CEP104: variants seen among roughly 807,000 people sequenced by gnomAD.
CEP104 encodes the protein centrosomal protein 104.
In CEP104, 84 loss-of-function variants were observed where a neutral mutation model predicts 113.3. That is an observed-to-expected ratio of 0.74 (90% CI 0.62 to 0.89). CEP104 has a LOEUF of 0.89. Ranked by LOEUF, CEP104 falls within the 40% of genes least tolerant of loss-of-function variation. The pLI is 0.00. For synonymous variants in CEP104, 378 were observed against 421.7 expected (o/e 0.90, Z 1.27); for missense variants, 1,053 against 1,156.6 (o/e 0.91, Z 1.30).
intron 21 of CEP104, 126 bp from the exon 22 acceptor site, chr1:3,815,643 A>T: frequency 1.6e-6 from 1 of 641,662 alleles, no homozygotes; most frequent in Non-Finnish European, 2.6e-6. Context: ...TCACCCGACT[A>T]CAGGAGCCAG....
At position 3,831,198 on chromosome 1, in the gene CEP104, T is replaced by C; in HGVS notation, c.1684A>G (p.Lys562Glu). ...TAGGATGGAATAATTTGGAGAGACT[T>C]AACTTCTTTAAACAAGGCCATTTCC... Reference protein sequence around the residue: ...IQEMALFKEVKSLQIIPSYLV... With the variant: ...IQEMALFKEVESLQIIPSYLV... Residue 562 changes from lysine to glutamate, a missense_variant, in exon 13 of 22, where the codon AAG becomes GAG. Transcript: ENST00000378230. 1.2e-6 allele frequency: 2 copies of C among 1,613,896 alleles called. No homozygotes were observed. The highest frequency in any genetic ancestry group is 1.7e-6 in the Non-Finnish European group (2 of 1,179,792).
In CEP104 at chr1:3,840,810, G is replaced by C. The variant is rs1644398445; in HGVS notation, c.567-1034C>G. On this transcript the variant is annotated intron_variant, in intron 6 of 21. Transcript: ENST00000378230. Reference sequence around the variant, plus strand: ...CCATCTCGGACTCCCAAAGTGCTGAGATTACAGGTGTGAGCCACTGCACCC... The same window carrying C: ...CCATCTCGGACTCCCAAAGTGCTGACATTACAGGTGTGAGCCACTGCACCC... 3.3e-5 allele frequency among the ~76,000 whole-genome samples: 5 copies of C among 152,174 alleles called. No individual in the cohort carries two copies. In the South Asian group the frequency reaches 1.0e-3, roughly 31 times the overall value.
rs766555687 is a variant in CEP104, at chr1:3,836,480, T to TG, written c.1317+14_1317+15insC. The stretch of plus-strand genomic sequence containing the variant: ...CCTCTGCCACCCCGTTTTTTTTTTT[T>TG]TTTTTTTTTTTTACCAAGGTTTCTC... On this transcript the variant is annotated intron_variant, in intron 10 of 21. Coordinates refer to ENST00000378230, the MANE Select transcript of CEP104 (RefSeq NM_014704.4). The TG allele has an allele frequency of 6.1e-6, 9 of 1,473,296 alleles. No homozygotes were observed. Among genetic ancestry groups the TG allele is most frequent in the South Asian group, 5.7e-5 (4 of 70,678 alleles). The allele number at this position is 1,473,296 out of a possible 1,614,324, so 91.3% of individuals were successfully genotyped here. A position where few individuals can be genotyped will look rare whatever the true frequency, so the allele number is the denominator to read the frequency against.
intron 8 of CEP104, 119 bp downstream of exon 8, chr1:3,838,845 G>T: frequency 9.3e-7 from 1 of 1,078,136 alleles, no homozygotes; most frequent in Non-Finnish European, 1.4e-6. Flanking sequence ...ACTGTCCCCT[G>T]AGCACTGCAG....
intron 1 of CEP104, chr1:3,855,732 T>C (rs1644710057): frequency 4.9e-6 from 1 of 205,812 alleles, no homozygotes; most frequent in African/African-American, 2.4e-5. Context: ...GGGTCCCCTC[T>C]GTGTAAACCT....
At chr1:3,846,113 A>C (rs1644502418) in intron 4 of CEP104, among the ~76,000 whole-genome samples, 1 of 150,128 alleles carries the variant, frequency 6.7e-6, no homozygotes, top group South Asian at 2.1e-4. Flanking sequence ...AAAAAAGTTC[A>C]AATCATAATA....
chr1:3,847,504 G>A lies in CEP104; in HGVS notation c.397C>T (p.His133Tyr), dbSNP rs756354242. ...QFLKLIFHQN[H>Y]VNKYNIYNQV... is the part of the protein sequence containing the mutation. Reference sequence around the variant, plus strand: ...TTATATATGTTGTATTTGTTGACATGGTTTTGGTGAAAAATCAGTTTAAGA... The same window carrying A: ...TTATATATGTTGTATTTGTTGACATAGTTTTGGTGAAAAATCAGTTTAAGA... The change falls in exon 4 of 22, where the codon CAT becomes TAT. Residue 133 changes from histidine to tyrosine, a missense_variant. Physicochemically the swap from His to Tyr is moderately conservative, Grantham distance 83 (BLOSUM62 2). Coordinates refer to ENST00000378230, the MANE Select transcript of CEP104 (RefSeq NM_014704.4). 8 of 1,609,134 alleles carry A rather than the reference G, an allele frequency of 5.0e-6. No individual in the cohort carries two copies. Among genetic ancestry groups the A allele is most frequent in the Middle Eastern group, 3.3e-4 (2 of 6,048 alleles).
rs2124655131 is a variant in CEP104 at position 3,829,350 on chromosome 1, T to G, written c.2067A>C (p.Glu689Asp). 6.2e-7 allele frequency: 1 copy of G among 1,610,350 alleles called. No individual in the cohort carries two copies. The highest frequency in any genetic ancestry group is 2.2e-5 in the East Asian group (1 of 44,732). ...CTTCTTTCTTTTGTTTTTCTGCTTC[T>G]TCTGTAGCCGCTTTTCTCCGTGCCT... ...EMRARRKAAT[E>D]EAEKQKKEEI... Residue 689 changes from glutamate (E) to aspartate (D), a missense_variant, in exon 15 of 22, where the codon GAA becomes GAC. Physicochemically the swap from Glu to Asp is conservative, Grantham distance 45. Transcript: ENST00000378230.
intron 1 of CEP104, among the ~76,000 whole-genome samples, chr1:3,854,363 C>T (rs1405810474): frequency 6.6e-6 from 1 of 152,166 alleles, no homozygotes; most frequent in Admixed American, 6.6e-5. Context: ...AATGCGCCAA[C>T]TCTCCCCTGA....
At chr1:3,815,653 G>A in intron 21 of CEP104, 136 bp from the exon 22 acceptor site, 1 of 613,478 alleles carries the variant, frequency 1.6e-6, no homozygotes, top group Admixed American at 3.1e-5. Flanking sequence ...ACAGGAGCCA[G>A]GGCTGAGCCT....
intron 20 of CEP104, among the ~76,000 whole-genome samples, chr1:3,821,360 A>G (rs1331302238): frequency 6.6e-6 from 1 of 152,272 alleles, no homozygotes; most frequent in Non-Finnish European, 1.5e-5. Flanking sequence ...GACACTACAG[A>G]CAAAACAAAA....
Position 3,831,175 on chromosome 1 carries a change from G to C in CEP104, c.1707C>G (p.Ser569=), listed in dbSNP as rs1164188369. 1 of 1,614,214 alleles carries C rather than the reference G, an allele frequency of 6.2e-7. No individual in the cohort carries two copies. The highest frequency in any genetic ancestry group is 8.5e-7 in the Non-Finnish European group (1 of 1,180,014). The change falls in exon 13 of 22, where the codon TCC becomes TCG. Residue 569 remains serine (S), a synonymous_variant. Transcript: ENST00000378230. ...TTGCTTTCAATGGCTGCACCAGGTA[G>C]GATGGAATAATTTGGAGAGACTTAA... is the stretch of plus-strand genomic sequence containing the variant. The part of the protein sequence containing the change: ...KEVKSLQIIP[S]YLVQPLKANS...
chr1:3,836,477 T>TTG lies in CEP104; in HGVS notation c.1317+17_1317+18insCA. On this transcript the variant is annotated intron_variant, in intron 10 of 21. Coordinates refer to ENST00000378230, the MANE Select transcript of CEP104 (RefSeq NM_014704.4). ...TCCCCTCTGCCACCCCGTTTTTTTT[T>TTG]TTTTTTTTTTTTTTTACCAAGGTTT... is the stretch of plus-strand genomic sequence containing the variant. 2.1e-6 allele frequency: 3 copies of TTG among 1,451,480 alleles called. No homozygotes were observed. Among genetic ancestry groups the TTG allele is most frequent in the Non-Finnish European group, 2.7e-6 (3 of 1,105,410 alleles). The allele number at this position is 1,451,480 out of a possible 1,614,324, so 89.9% of individuals were successfully genotyped here. A position where few individuals can be genotyped will look rare whatever the true frequency, so the allele number is the denominator to read the frequency against.
Position 3,839,607 on chromosome 1 carries a change from C to T in CEP104, c.735+1G>A, listed in dbSNP as rs1172803527. 1 of 1,611,488 alleles carries T rather than the reference C, an allele frequency of 6.2e-7. No homozygotes were observed. The highest frequency in any genetic ancestry group is 8.5e-7 in the Non-Finnish European group (1 of 1,179,102). On this transcript the variant is annotated splice_donor_variant, in intron 7 of 21. Transcript: ENST00000378230. LOFTEE classifies it high-confidence loss of function. Reference sequence around the variant, plus strand: ...GGAACTGTTTTCTCCAAAGGCAATACCTTTTGCAAATCAGCAATGGCTTGT... The same window carrying T: ...GGAACTGTTTTCTCCAAAGGCAATATCTTTTGCAAATCAGCAATGGCTTGT...
At chr1:3,844,597 C>T (rs1439810379) in intron 6 of CEP104, among the ~76,000 whole-genome samples, 1 of 150,204 alleles carries the variant, frequency 6.7e-6, no homozygotes, top group Non-Finnish European at 1.5e-5. Context: ...ACTCAGGAGA[C>T]TGAGGCAGGA....
rs2275824 is a variant in CEP104 at position 3,836,572 on chromosome 1, A to T, written c.1240T>A (p.Leu414Ile). The T allele has an allele frequency of 0.41, 654,803 of 1,608,324 alleles. 138,473 individuals are homozygous for T. Among genetic ancestry groups the T allele is most frequent in the Non-Finnish European group, 0.44 (518,872 of 1,178,712 alleles). Residue 414 changes from leucine to isoleucine, a missense_variant, in exon 10 of 22, where the codon TTA (leucine) becomes ATA (isoleucine). Coordinates refer to ENST00000378230, the MANE Select transcript of CEP104 (RefSeq NM_014704.4). ...TCGGTTAAGGGCTCTGGCTCCCCTAACATGCCTCCCCTCCGAGCATCGCTG... is the reference window on the plus strand; with the variant it reads ...TCGGTTAAGGGCTCTGGCTCCCCTATCATGCCTCCCCTCCGAGCATCGCTG... ...DISDARRGGM[L>I]GEPEPLTEKA...
chr1:3,838,819 G>A, intron 8 of CEP104, 145 bp downstream of exon 8: 1 of 849,770 alleles, frequency 1.2e-6, no homozygotes, highest in South Asian at 1.7e-5. Context: ...TAGGCACAGA[G>A]CTGAGGCCAT....
intron 6 of CEP104, among the ~76,000 whole-genome samples, chr1:3,840,909 T>C (rs1448104294): frequency 6.6e-6 from 1 of 152,218 alleles, no homozygotes; most frequent in Non-Finnish European, 1.5e-5. Context: ...CTCAAAGGGT[T>C]AAGTTGTATG....
intron 12 of CEP104, 43 bp from the exon 13 acceptor site, chr1:3,831,265 C>A: frequency 6.4e-7 from 1 of 1,570,462 alleles, no homozygotes; most frequent in South Asian, 1.1e-5. Context: ...CTGGAAAATG[C>A]TGGAGGCAGT....
Sources: allele counts gnomAD v4.1 joint callset (sites outside exome capture counted in the v4.1 genomes callset), GRCh38; gene constraint gnomAD v4.1.1; transcripts MANE v1.5; gene names NCBI Gene and HGNC (gene_info 2026-07-23, HGNC 2026-07-21).